The following VPS13B variants were observed in gnomAD, a reference collection of about 807,000 sequenced individuals.
VPS13B encodes vacuolar protein sorting 13 homolog B.
A neutral mutation model predicts 426.4 loss-of-function variants in VPS13B; 285 were observed. That is an observed-to-expected ratio of 0.67 (90% confidence interval 0.61 to 0.74). VPS13B has a LOEUF of 0.74. VPS13B is among the 30% of genes least tolerant of loss of function. The pLI is 0.00. For synonymous variants in VPS13B, 1,676 were observed against 1,676.4 expected, an observed-to-expected ratio of 1.00 and a Z score of 0.01; for missense variants, 4,537 against 4,782.6, an observed-to-expected ratio of 0.95 and a Z score of 1.51.
At chr8:99,518,987 T>G in intron 29 of VPS13B, among the ~76,000 whole-genome samples, 1 of 152,322 alleles carries the variant, frequency 6.6e-6, no homozygotes, top group South Asian at 2.1e-4. Flanking sequence ...ATACGTTTAT[T>G]TTAAGACCTA....
In VPS13B at chr8:99,779,108, T is replaced by C. The variant is rs1163767164; in HGVS notation, c.7779+77T>C. 9 of 1,339,726 alleles carry C rather than the reference T, an allele frequency of 6.7e-6. No homozygotes were observed. The East Asian group carries it at 1.6e-4, about 24-fold the overall frequency. 83.0% of individuals were successfully genotyped at this position (1,339,726 alleles called of 1,614,324 possible). A position where few individuals can be genotyped will look rare whatever the true frequency, so the allele number is the denominator to read the frequency against. ...AGGTTCTGTATGCTATCACTTCTGA[T>C]AATAAGTTCAACACAAACAAAAATG... On this transcript the variant is annotated intron_variant, in intron 42 of 61. Coordinates refer to ENST00000357162, the MANE Select transcript of VPS13B (RefSeq NM_152564.5).
chr8:99,079,814 T>A (rs902076292), intron 3 of VPS13B, among the ~76,000 whole-genome samples: 2 of 151,914 alleles, frequency 1.3e-5, no homozygotes, highest in Non-Finnish European at 1.5e-5. Flanking sequence ...AAAAGTGGTT[T>A]TCCGGGAGGC....
chr8:99,501,493 C>T (rs751684686), intron 25 of VPS13B, among the ~76,000 whole-genome samples, 194 bp from the exon 26 acceptor site: 1 of 152,048 alleles, frequency 6.6e-6, no homozygotes, highest in Non-Finnish European at 1.5e-5. Flanking sequence ...TGCTTTCTAA[C>T]AATAAAAATC....
intron 3 of VPS13B, among the ~76,000 whole-genome samples, chr8:99,092,877 A>G (rs1846219757): frequency 6.6e-6 from 1 of 151,546 alleles, no homozygotes; most frequent in South Asian, 2.1e-4. Flanking sequence ...AAATAAAGTT[A>G]TTTAGTTTGT....
chr8:99,577,684 C>T (rs1825842051), intron 33 of VPS13B, 51 bp downstream of exon 33: 1 of 1,604,288 alleles, frequency 6.2e-7, no homozygotes, highest in East Asian at 2.2e-5. Flanking sequence ...TCCAACTTTA[C>T]ATTCACAGTA....
chr8:99,046,323 T>C (rs1036302184), intron 3 of VPS13B, among the ~76,000 whole-genome samples: 11 of 152,192 alleles, frequency 7.2e-5, no homozygotes, highest in Non-Finnish European at 1.6e-4. Context: ...GGGGTTGAGT[T>C]CTTGATTTGA....
At chr8:99,495,603 A>G (rs778212545) in intron 25 of VPS13B, among the ~76,000 whole-genome samples, 8 of 152,116 alleles carry the variant, frequency 5.3e-5, no homozygotes, top group Non-Finnish European at 1.2e-4. Flanking sequence ...TTGCTTCTCT[A>G]AGGGACTTCA....
chr8:99,542,227 G>C (rs1373180558), intron 30 of VPS13B, among the ~76,000 whole-genome samples: 1 of 152,122 alleles, frequency 6.6e-6, no homozygotes, highest in Non-Finnish European at 1.5e-5. Flanking sequence ...CTTTATTATT[G>C]ACATGGACAT....
At position 99,821,336 on chromosome 8, in the gene VPS13B, GTGCACAA is replaced by G; in HGVS notation, c.9038_9044del (p.Val3013GlyfsTer3). On this transcript the variant is annotated frameshift_variant, in exon 50 of 62. Transcript: ENST00000357162. LOFTEE classifies it high-confidence loss of function. ...AATATACTGGGCAAATACAAACACT[GTGCACAA>G]GTCAGTAGCAATTAAACTGGTCCAT... The G allele has an allele frequency of 6.2e-7, 1 of 1,613,708 alleles. No homozygotes were observed. The highest frequency in any genetic ancestry group is 8.5e-7 in the Non-Finnish European group (1 of 1,179,792).
At chr8:99,644,914 T>A (rs771547694) in intron 34 of VPS13B, among the ~76,000 whole-genome samples, 1 of 152,210 alleles carries the variant, frequency 6.6e-6, no homozygotes, top group Non-Finnish European at 1.5e-5. Context: ...TCTCATTTCA[T>A]GCTAATGACA....
At chr8:99,352,608 G>C (rs1313319040) in intron 19 of VPS13B, among the ~76,000 whole-genome samples, 1 of 152,120 alleles carries the variant, frequency 6.6e-6, no homozygotes, top group Non-Finnish European at 1.5e-5. Flanking sequence ...CAGATCGCTT[G>C]AGGTCAGGAG....
At position 99,875,700 on chromosome 8, in the gene VPS13B, A is replaced by G; in HGVS notation, c.*34A>G. 1 of 1,612,938 alleles carries G rather than the reference A, an allele frequency of 6.2e-7. No homozygotes were observed. Among genetic ancestry groups the G allele is most frequent in the Non-Finnish European group, 8.5e-7 (1 of 1,179,284 alleles). On this transcript the variant is annotated 3_prime_UTR_variant, in exon 62 of 62. Coordinates refer to ENST00000357162, the MANE Select transcript of VPS13B (RefSeq NM_152564.5). ...TGAGGTGTTTATTCCTGCTTGTGTGATTTAGTTTTTGGGTTTCTTTGAGAC... is the reference window on the plus strand; with the variant it reads ...TGAGGTGTTTATTCCTGCTTGTGTGGTTTAGTTTTTGGGTTTCTTTGAGAC...
In VPS13B at chr8:99,417,076, A is replaced by G. The variant is rs547867166; in HGVS notation, c.3083-14461A>G. Among the ~76,000 whole-genome samples the G allele has an allele frequency of 4.6e-5, 7 of 152,286 alleles. 1 individual carries two copies. In the South Asian group the frequency reaches 1.5e-3, roughly 32 times the overall value. ...TAAGATTTGTAGTTGAGGATGAACAAAATTACTTTCTACTTTTCCTTCCTT... is the reference window on the plus strand; with the variant it reads ...TAAGATTTGTAGTTGAGGATGAACAGAATTACTTTCTACTTTTCCTTCCTT... On this transcript the variant is annotated intron_variant, in intron 21 of 61. Transcript: ENST00000357162.
rs549963972 is a variant in VPS13B at position 99,750,563 on chromosome 8, G to A, written c.7051-16211G>A. On this transcript the variant is annotated intron_variant, in intron 39 of 61. Coordinates refer to ENST00000357162, the MANE Select transcript of VPS13B (RefSeq NM_152564.5). ...GTAAAGCCCATAGTCTGGGCTTTAC[G>A]TGAGCAGGCTGAAGAGCAGGAGACC... is the stretch of plus-strand genomic sequence containing the variant. 7.9e-5 allele frequency among the ~76,000 whole-genome samples: 12 copies of A among 152,200 alleles called. 1 individual carries two copies. Among genetic ancestry groups the A allele is most frequent in the African/African-American group, 2.9e-4 (12 of 41,552 alleles).
chr8:99,219,049 G>A (rs777290358), intron 17 of VPS13B, among the ~76,000 whole-genome samples: 4 of 152,168 alleles, frequency 2.6e-5, no homozygotes, highest in Non-Finnish European at 4.4e-5. Flanking sequence ...TCATCAGCAT[G>A]AGTGACCCAG....
chr8:99,267,596 G>A (rs776678851), intron 17 of VPS13B, among the ~76,000 whole-genome samples: 30 of 151,826 alleles, frequency 2.0e-4, no homozygotes, highest in African/African-American at 5.6e-4. Flanking sequence ...GCATGGTAGC[G>A]CATGCCTATA....
chr8:99,064,373 G>A (rs558893540), intron 3 of VPS13B, among the ~76,000 whole-genome samples: 78 of 152,282 alleles, frequency 5.1e-4, no homozygotes, highest in African/African-American at 1.6e-3. Flanking sequence ...AAGATTAGAC[G>A]AATGGCTAAC....
chr8:99,866,003 A>G (rs1041563115), intron 58 of VPS13B, among the ~76,000 whole-genome samples: 1 of 152,196 alleles, frequency 6.6e-6, no homozygotes, highest in Non-Finnish European at 1.5e-5. Context: ...AAGGCACAAC[A>G]GGCAATAGCT....
rs567617049 is a variant in VPS13B at position 99,016,783 on chromosome 8, G to A, written c.147+2848G>A. On this transcript the variant is annotated intron_variant, in intron 2 of 61. Coordinates refer to ENST00000357162, the MANE Select transcript of VPS13B (RefSeq NM_152564.5). ...TTTTTTGTATTTTTAATGGAGACAG[G>A]GTTTCACCATGTTAGCCAGGATGGT... Among the ~76,000 whole-genome samples the A allele has an allele frequency of 4.7e-4, 71 of 151,436 alleles. 1 individual carries two copies. The highest frequency in any genetic ancestry group is 1.7e-3 in the African/African-American group (69 of 41,324).
Sources: allele counts gnomAD v4.1 joint callset (sites outside exome capture counted in the v4.1 genomes callset), GRCh38; gene constraint gnomAD v4.1.1; transcripts MANE v1.5; gene names NCBI Gene and HGNC (gene_info 2026-07-23, HGNC 2026-07-21).